The following REV1 variants were observed in gnomAD, a reference collection of about 807,000 sequenced individuals.
REV1 encodes the protein translesion synthesis protein REV1.
Under a neutral mutation model 137.4 loss-of-function variants are expected in REV1, and 42 were observed. The ratio of observed to expected loss-of-function variants is 0.31; its 90% confidence interval spans 0.24 to 0.40. The LOEUF (loss-of-function observed/expected upper bound fraction) is 0.40. REV1 is among the 10% of genes least tolerant of loss of function. The pLI, the probability that REV1 is intolerant of heterozygous loss-of-function variation, is 1.00. For missense variants in REV1, 1,282 were observed against 1,490.1 expected, an observed-to-expected ratio of 0.86 and a Z score of 2.30; for synonymous variants, 524 against 519.2, an observed-to-expected ratio of 1.01 and a Z score of -0.12.
intron 1 of REV1, among the ~76,000 whole-genome samples, chr2:99,468,277 T>A (rs553195466): frequency 8.1e-4 from 123 of 152,260 alleles, no homozygotes; most frequent in Non-Finnish European, 1.6e-3. Context: ...CGCCAATGCC[T>A]CTGTAATAAC....
chr2:99,480,857 T>C (rs1686534231), intron 1 of REV1, among the ~76,000 whole-genome samples: 1 of 152,164 alleles, frequency 6.6e-6, no homozygotes. Context: ...ATTATATACT[T>C]TTAAAAAAAC....
chr2:99,473,365 C>CAAAAAAA (rs10645145), intron 1 of REV1, among the ~76,000 whole-genome samples: 3 of 112,074 alleles, frequency 2.7e-5, no homozygotes, highest in Non-Finnish European at 3.7e-5. Flanking sequence ...GAGACTGTCT[C>CAAAAAAA]AAAAAAAAAA....
chr2:99,485,715 AAC>A (rs1273882595), intron 1 of REV1, among the ~76,000 whole-genome samples: 1 of 152,232 alleles, frequency 6.6e-6, no homozygotes, highest in Non-Finnish European at 1.5e-5. Flanking sequence ...CACCATTCTC[AAC>A]AGTTTATTTT....
intron 2 of REV1, among the ~76,000 whole-genome samples, chr2:99,463,133 G>T (rs763773662): frequency 4.0e-5 from 6 of 151,622 alleles, no homozygotes; most frequent in Non-Finnish European, 8.8e-5. Flanking sequence ...AAACACATAG[G>T]TCAAAGAAGA....
upstream of REV1, chr2:99,490,113 G>C (rs960604811): frequency 2.1e-5 from 1 of 47,258 alleles, no homozygotes; most frequent in Admixed American, 2.5e-4. Context: ...ACAGCCGCGC[G>C]GCGCACGCGC....
intron 13 of REV1, among the ~76,000 whole-genome samples, chr2:99,411,361 A>G (rs1236414445): frequency 1.3e-5 from 2 of 152,022 alleles, no homozygotes; most frequent in Admixed American, 6.6e-5. Flanking sequence ...CCACCTTCCC[A>G]ACAAAGTGAA....
rs764032690 is a variant in REV1 at position 99,438,941 on chromosome 2, A to T, written c.873T>A (p.Asn291Lys). The T allele has an allele frequency of 6.2e-7, 1 of 1,614,192 alleles. No homozygotes were observed. Among genetic ancestry groups the T allele is most frequent in the Non-Finnish European group, 8.5e-7 (1 of 1,180,034 alleles). ...QSTRNTDALRNPHRTNSFSLS... is the reference protein window; with the variant it reads ...QSTRNTDALRKPHRTNSFSLS... ...ATGAGAAAGAATTAGTTCTGTGTGG[A>T]TTCCGCAAAGCATCTGTGTTTCTGG... Residue 291 changes from asparagine (N) to lysine (K), a missense_variant, in exon 6 of 23, where the codon AAT becomes AAA. Asn to Lys is a moderately conservative substitution (Grantham distance 94). Coordinates refer to ENST00000258428, the MANE Select transcript of REV1 (RefSeq NM_016316.4).
At chr2:99,463,073 G>GC (rs1404994378) in intron 2 of REV1, among the ~76,000 whole-genome samples, 1 of 151,758 alleles carries the variant, frequency 6.6e-6, no homozygotes, top group Non-Finnish European at 1.5e-5. Context: ...GGGTGACAGA[G>GC]CAAGACTCCA....
intron 1 of REV1, among the ~76,000 whole-genome samples, chr2:99,473,069 TAAAAC>T (rs1412986161): frequency 6.6e-6 from 1 of 151,940 alleles, no homozygotes. Context: ...CCAAGGTATA[TAAAAC>T]AAAACAAAAG....
chr2:99,446,094 T>C (rs1682171224), intron 4 of REV1, among the ~76,000 whole-genome samples: 2 of 152,178 alleles, frequency 1.3e-5, no homozygotes, highest in African/African-American at 2.4e-5. Context: ...CCTGTTACAA[T>C]GACATAATGG....
At chr2:99,472,483 T>C (rs1685528998) in intron 1 of REV1, among the ~76,000 whole-genome samples, 1 of 152,238 alleles carries the variant, frequency 6.6e-6, no homozygotes, top group African/African-American at 2.4e-5. Flanking sequence ...GTGAATGTAC[T>C]TAATGTGACT....
chr2:99,484,667 TAAGTA>T (rs1227090249), intron 1 of REV1, among the ~76,000 whole-genome samples: 2 of 151,942 alleles, frequency 1.3e-5, no homozygotes, highest in Non-Finnish European at 2.9e-5. Flanking sequence ...TACAAGCATT[TAAGTA>T]TAGTAGTAGT....
At chr2:99,426,424 CATT>C (rs1478290242) in intron 9 of REV1, among the ~76,000 whole-genome samples, 1 of 151,324 alleles carries the variant, frequency 6.6e-6, no homozygotes, top group Non-Finnish European at 1.5e-5. Flanking sequence ...ATTTTCAAAA[CATT>C]AATTTACACA....
chr2:99,412,690 T>C lies in REV1; in HGVS notation c.2172+41A>G, dbSNP rs757693853. ...GTAGAGGTAGGACTATGTAAAAATATAAAGAGCAACAGATGGCAAAATCTG... is the reference window on the plus strand; with the variant it reads ...GTAGAGGTAGGACTATGTAAAAATACAAAGAGCAACAGATGGCAAAATCTG... On this transcript the variant is annotated intron_variant, in intron 13 of 22. Transcript: ENST00000258428. The C allele has an allele frequency of 1.2e-5, 17 of 1,450,196 alleles. No homozygotes were observed. The Admixed American group carries it at 2.5e-4, about 21-fold the overall frequency. The allele number at this position is 1,450,196 out of a possible 1,614,324, so 89.8% of individuals were successfully genotyped here.
intron 1 of REV1, among the ~76,000 whole-genome samples, chr2:99,475,552 C>G (rs1398729958): frequency 2.0e-5 from 3 of 152,068 alleles, no homozygotes; most frequent in Non-Finnish European, 2.9e-5. Flanking sequence ...TTTTACAGAC[C>G]TGACAAATTC....
Position 99,429,856 on chromosome 2 carries a change from A to G in REV1, c.1531T>C (p.Cys511Arg). Residue 511 changes from cysteine (C) to arginine (R), a missense_variant, in exon 9 of 23, where the codon TGT becomes CGT. Cys to Arg is a radical substitution (Grantham distance 180, BLOSUM62 -3). Coordinates refer to ENST00000258428, the MANE Select transcript of REV1 (RefSeq NM_016316.4). ...SVLSRAEIAS[C>R]SYEARQLGIK... ...TCTACATACCTGGCCTCATAACTAC[A>G]AGATGCAATTTCAGCCCTTGACAAA... The G allele has an allele frequency of 6.3e-7, 1 of 1,598,610 alleles. No homozygotes were observed. The highest frequency in any genetic ancestry group is 1.1e-5 in the South Asian group (1 of 87,622).
At chr2:99,444,351 C>T (rs1220081858) in intron 4 of REV1, among the ~76,000 whole-genome samples, 1 of 152,182 alleles carries the variant, frequency 6.6e-6, no homozygotes, top group Non-Finnish European at 1.5e-5. Context: ...CAGGTAAAAC[C>T]AAAAGTGCAA....
At chr2:99,477,859 GA>G (rs974582198) in intron 1 of REV1, among the ~76,000 whole-genome samples, 13 of 152,296 alleles carry the variant, frequency 8.5e-5, no homozygotes, top group Admixed American at 3.3e-4. Flanking sequence ...GGGGCTTCCT[GA>G]AACAACGACT....
intron 4 of REV1, among the ~76,000 whole-genome samples, chr2:99,443,977 C>T (rs973121660): frequency 1.3e-5 from 2 of 152,144 alleles, no homozygotes; most frequent in African/African-American, 4.8e-5. Context: ...TGCCACCACG[C>T]CCGGCTAATT....
Sources: allele counts gnomAD v4.1 joint callset (sites outside exome capture counted in the v4.1 genomes callset), GRCh38; gene constraint gnomAD v4.1.1; transcripts MANE v1.5; gene names NCBI Gene and HGNC (gene_info 2026-07-23, HGNC 2026-07-21).